PLA2G5: variants seen among roughly 807,000 people sequenced by gnomAD.
PLA2G5 encodes phospholipase A2 group V, also known as Ca2+-dependent phospholipase A2.
In PLA2G5, 12 loss-of-function variants were observed where a neutral mutation model predicts 15.9. The ratio of observed to expected loss-of-function variants is 0.76; its 90% CI spans 0.48 to 1.23. PLA2G5 has a LOEUF of 1.23. Among genes scored for constraint, PLA2G5 ranks in the 50% most tolerant of loss-of-function variants. The pLI is 0.00. For synonymous variants in PLA2G5, 71 were observed against 71.4 expected (o/e 0.99, Z 0.03); for missense variants, 169 against 177.1 (o/e 0.95, Z 0.26).
chr1:20,057,657 C>T (rs1316851536), intron 1 of PLA2G5, among the ~76,000 whole-genome samples: 1 of 152,144 alleles, frequency 6.6e-6, no homozygotes, highest in African/African-American at 2.4e-5. Flanking sequence ...TGCCACCACA[C>T]CCAGCTAATT....
At chr1:20,052,287 TC>T (rs1287144551) in intron 1 of PLA2G5, among the ~76,000 whole-genome samples, 1 of 152,154 alleles carries the variant, frequency 6.6e-6, no homozygotes, top group Non-Finnish European at 1.5e-5. Flanking sequence ...TGGCTACAAG[TC>T]TTTCAAATAA....
chr1:20,070,344 G>A lies in PLA2G5; in HGVS notation c.-132G>A, dbSNP rs1317531574. 1 of 985,522 alleles carries A rather than the reference G, an allele frequency of 1.0e-6. No homozygotes were observed. Among genetic ancestry groups the A allele is most frequent in the East Asian group, 1.1e-4 (1 of 8,810 alleles). 61.0% of individuals were successfully genotyped at this position (985,522 alleles called of 1,614,324 possible). On this transcript the variant is annotated 5_prime_UTR_variant, in exon 1 of 5. It adds an upstream start codon to the 5' untranslated region. Transcript: ENST00000375108. ...TTGACTCCCCCCGGATCCATGGTCT[G>A]TGGATACCAATGTTCCGACTGGAGA...
Position 20,090,600 on chromosome 1 carries a change from G to A in PLA2G5, c.325G>A (p.Ala109Thr), listed in dbSNP as rs774402883. 1 of 1,614,070 alleles carries A rather than the reference G, an allele frequency of 6.2e-7. No homozygotes were observed. The highest frequency in any genetic ancestry group is 1.1e-5 in the South Asian group (1 of 91,074). ...PGPFCHVNLC[A>T]CDRKLVYCLK... ...GCCCTTCTGCCATGTGAACCTCTGT[G>A]CCTGTGACCGGAAGCTCGTCTACTG... The change falls in exon 5 of 5, where the codon GCC (alanine) becomes ACC (threonine). Residue 109 changes from alanine (A) to threonine (T), a missense_variant. Transcript: ENST00000375108.
intron 1 of PLA2G5, among the ~76,000 whole-genome samples, chr1:20,049,470 G>A (rs976386479): frequency 1.3e-5 from 2 of 151,928 alleles, no homozygotes; most frequent in Non-Finnish European, 2.9e-5. Flanking sequence ...TTGGCTCTGT[G>A]TCCCCACCCA....
At chr1:20,063,118 G>A (rs1427615519) in intron 2 of PLA2G5, among the ~76,000 whole-genome samples, 6 of 152,148 alleles carry the variant, frequency 3.9e-5, no homozygotes, top group Admixed American at 2.0e-4. Context: ...ATGGGAGCCC[G>A]GGAGTTCAAG....
chr1:20,055,604 C>T lies in PLA2G5; in HGVS notation n.277-4028C>T, dbSNP rs1334334149. The stretch of plus-strand genomic sequence containing the variant: ...AGACCTCTCCAGAAGCTCCCATTTG[C>T]CTCTTACTCTGGGAATTGGAGACAG... On this transcript the variant is annotated intron_variant and non_coding_transcript_variant, in intron 1 of 6. Coordinates refer to the PLA2G5 transcript ENST00000460175. Among the ~76,000 whole-genome samples the T allele has an allele frequency of 1.3e-5, 2 of 152,126 alleles. 1 individual carries two copies. Among genetic ancestry groups the T allele is most frequent in the Admixed American group, 1.3e-4 (2 of 15,268 alleles).
At chr1:20,069,371 T>TA (rs1199503058), upstream of PLA2G5, among the ~76,000 whole-genome samples, 5 of 152,266 alleles carry the variant, frequency 3.3e-5, no homozygotes, top group East Asian at 9.7e-4. Context: ...AATGTCATTT[T>TA]AAAGAAGAAA....
chr1:20,084,807 GTT>G lies in PLA2G5; in HGVS notation c.-10-6_-10-5del, dbSNP rs2020883. 1 of 1,494,244 alleles carries G rather than the reference GTT, an allele frequency of 6.7e-7. No individual in the cohort carries two copies. The highest frequency in any genetic ancestry group is 9.3e-7 in the Non-Finnish European group (1 of 1,078,700). The allele number at this position is 1,494,244 out of a possible 1,614,324, so 92.6% of individuals were successfully genotyped here. On this transcript the variant is annotated splice_polypyrimidine_tract_variant and intron_variant, in intron 1 of 4. Coordinates refer to ENST00000375108, the MANE Select transcript of PLA2G5 (RefSeq NM_000929.3). Reference sequence around the variant, plus strand: ...GCCTGATAGATCTGTTGTGGGATGTGTTTTTTTTTCCAGAACCCCAGAGATGA... The same window carrying G: ...GCCTGATAGATCTGTTGTGGGATGTGTTTTTTTCCAGAACCCCAGAGATGA...
At position 20,091,526 on chromosome 1, in the gene PLA2G5, A is replaced by G. The variant is rs546868547; in HGVS notation, c.*834A>G. 4.1e-4 allele frequency among the ~76,000 whole-genome samples: 62 copies of G among 152,278 alleles called. No individual in the cohort carries two copies. The highest frequency in any genetic ancestry group is 1.5e-3 in the African/African-American group (61 of 41,542). Reference sequence around the variant, plus strand: ...CTTTGACTTTCAGTCTCTTTGAGAAATAAACTGTCTTGTTCCTTGCAATGT... The same window carrying G: ...CTTTGACTTTCAGTCTCTTTGAGAAGTAAACTGTCTTGTTCCTTGCAATGT... On this transcript the variant is annotated 3_prime_UTR_variant, in exon 5 of 5. Transcript: ENST00000375108.
upstream of PLA2G5, among the ~76,000 whole-genome samples, chr1:20,069,456 T>C (rs1045076390): frequency 6.6e-6 from 1 of 152,156 alleles, no homozygotes; most frequent in Non-Finnish European, 1.5e-5. Context: ...GTGGATCATT[T>C]GAACTCAGGA....
chr1:20,060,684 G>A (rs967061904), intron 2 of PLA2G5, among the ~76,000 whole-genome samples: 1 of 151,918 alleles, frequency 6.6e-6, no homozygotes, highest in Non-Finnish European at 1.5e-5. Flanking sequence ...ATGACTTTTA[G>A]GAGGAGGCCA....
chr1:20,049,744 T>C (rs554032753), intron 1 of PLA2G5, among the ~76,000 whole-genome samples: 55 of 152,350 alleles, frequency 3.6e-4, no homozygotes, highest in African/African-American at 1.2e-3. Context: ...ATTAAACCTC[T>C]TTCCTTTATA....
intron 2 of PLA2G5, among the ~76,000 whole-genome samples, chr1:20,064,703 G>A (rs2014929192): frequency 6.6e-6 from 1 of 152,124 alleles, no homozygotes; most frequent in South Asian, 2.1e-4. Flanking sequence ...AGGCCAGCCT[G>A]GCCAACATAG....
intron 1 of PLA2G5, among the ~76,000 whole-genome samples, chr1:20,048,082 T>C (rs1423303279): frequency 6.6e-6 from 1 of 152,168 alleles, no homozygotes; most frequent in Non-Finnish European, 1.5e-5. Context: ...CATCTATCTA[T>C]TTATGTGTTG....
intron 1 of PLA2G5, among the ~76,000 whole-genome samples, chr1:20,071,365 C>A (rs557614669): frequency 1.7e-4 from 26 of 152,272 alleles, no homozygotes; most frequent in African/African-American, 5.8e-4. Flanking sequence ...ATGAGACACC[C>A]TCAAGGATTC....
chr1:20,060,374 C>G (rs1230513316), intron 2 of PLA2G5, among the ~76,000 whole-genome samples: 2 of 150,670 alleles, frequency 1.3e-5, no homozygotes, highest in African/African-American at 2.4e-5. Context: ...CTGCCTCAGC[C>G]TCCCAAGTAG....
chr1:20,089,806 A>G lies in PLA2G5; in HGVS notation c.203A>G (p.Asp68Gly), dbSNP rs1337424339. 1.2e-6 allele frequency: 2 copies of G among 1,614,034 alleles called. No homozygotes were observed. The highest frequency in any genetic ancestry group is 2.2e-5 in the East Asian group (1 of 44,868). ...DGTDWCCWAHDHCYGRLEEKG... is the reference protein window; with the variant it reads ...DGTDWCCWAHGHCYGRLEEKG... ...ACGGACAGGTGCTGTTGGGCGCATG[A>G]CCACTGCTATGGGCGGCTGGAGGAG... Residue 68 changes from aspartate (D) to glycine (G), a missense_variant, in exon 4 of 5, where the codon GAC becomes GGC. Physicochemically the swap from Asp to Gly is moderately conservative, Grantham distance 94 (BLOSUM62 -1). Transcript: ENST00000375108.
At chr1:20,060,411 G>A (rs957056472) in intron 2 of PLA2G5, among the ~76,000 whole-genome samples, 1 of 151,504 alleles carries the variant, frequency 6.6e-6, no homozygotes, top group African/African-American at 2.4e-5. Flanking sequence ...GCGCCACCAC[G>A]CTAGGCTATT....
At chr1:20,048,408 C>T (rs774477874) in intron 1 of PLA2G5, among the ~76,000 whole-genome samples, 28 of 152,252 alleles carry the variant, frequency 1.8e-4, no homozygotes, top group Non-Finnish European at 2.6e-4. Context: ...TTACAAAACT[C>T]TAAACCAAGC....
Sources: gnomAD v4.1 joint callset for allele counts (sites outside exome capture counted in the v4.1 genomes callset) on GRCh38, gnomAD v4.1.1 for gene constraint, MANE v1.5 for transcripts, NCBI Gene and HGNC (gene_info 2026-07-23, HGNC 2026-07-21) for gene names.